ERBIN: variants seen among roughly 807,000 people sequenced by gnomAD.
ERBIN encodes the protein erbb2 interacting protein.
In ERBIN, 60 loss-of-function variants were observed where a neutral mutation model predicts 158.4. The observed-to-expected ratio is 0.38, with a 90% CI of 0.31 to 0.47. The LOEUF is 0.47. Among genes scored for constraint, ERBIN ranks in the 20% least tolerant of loss-of-function variants. ERBIN has a pLI of 0.99. For missense variants in ERBIN, 1,610 were observed against 1,648.0 expected, an observed-to-expected ratio of 0.98 and a Z score of 0.40; for synonymous variants, 594 against 557.2, an observed-to-expected ratio of 1.07 and a Z score of -0.93.
At position 66,062,492 on chromosome 5, in the gene ERBIN, C is replaced by T. The variant is rs540292291; in HGVS notation, c.3633+7541C>T. Among the ~76,000 whole-genome samples the T allele has an allele frequency of 1.4e-4, 22 of 152,120 alleles. No homozygotes were observed. The South Asian group carries it at 3.9e-3, about 27-fold the overall frequency. The stretch of plus-strand genomic sequence containing the variant: ...CTTCTTTGCCATTGGTTTGAACTTC[C>T]TCCTTTAGCTCGGAGTAGTTTGATC... On this transcript the variant is annotated intron_variant, in intron 21 of 25. Coordinates refer to ENST00000284037, the MANE Select transcript of ERBIN (RefSeq NM_001253697.2).
At chr5:66,020,625 T>C (rs1435231229) in intron 7 of ERBIN, among the ~76,000 whole-genome samples, 1 of 151,408 alleles carries the variant, frequency 6.6e-6, no homozygotes, top group African/African-American at 2.4e-5. Context: ...AAGGGTACCT[T>C]TGTAAAAGGA....
At chr5:65,942,656 G>A (rs926772458) in intron 1 of ERBIN, among the ~76,000 whole-genome samples, 1 of 152,220 alleles carries the variant, frequency 6.6e-6, no homozygotes, top group African/African-American at 2.4e-5. Context: ...TGGGTGCAGT[G>A]GCTCATGCCT....
chr5:66,026,890 A>G (rs867501052), intron 13 of ERBIN, among the ~76,000 whole-genome samples: 12 of 151,970 alleles, frequency 7.9e-5, no homozygotes, highest in Admixed American at 2.6e-4. Context: ...GAATATTGCT[A>G]TTTAACAAAA....
At chr5:66,037,016 A>G (rs758741567) in intron 14 of ERBIN, among the ~76,000 whole-genome samples, 53 of 152,194 alleles carry the variant, frequency 3.5e-4, no homozygotes, top group South Asian at 1.5e-3. Context: ...GGTTTTTAGT[A>G]TAGTCACAGA....
At position 66,080,999 on chromosome 5, in the gene ERBIN, A is replaced by G. The variant is rs967291412; in HGVS notation, c.*2469A>G. The G allele has an allele frequency of 6.6e-6, 1 of 152,026 alleles. No homozygotes were observed. The highest frequency in any genetic ancestry group is 2.4e-5 in the African/African-American group (1 of 41,452). 9.4% of individuals were successfully genotyped at this position (152,026 alleles called of 1,614,324 possible). ...GCTGTAATAAAGTTTCAAAATTTGA[A>G]TAAAATAATTAAATTTTTTGAGGAA... On this transcript the variant is annotated 3_prime_UTR_variant, in exon 26 of 26. Transcript: ENST00000284037.
chr5:66,000,051 C>T (rs1752863654), intron 4 of ERBIN, among the ~76,000 whole-genome samples: 2 of 152,152 alleles, frequency 1.3e-5, no homozygotes, highest in Admixed American at 1.3e-4. Flanking sequence ...CTTTAGAAGT[C>T]ATCACATCTA....
In ERBIN at chr5:66,053,425, A is replaced by G; in HGVS notation, c.2107A>G (p.Asn703Asp). ...SKIRQEDENF[N>D]SLLQNGDILN... ...TTTTAGGCAAGAAGATGAAAATTTT[A>G]ACAGCCTTTTACAAAATGGAGATAT... Residue 703 changes from asparagine to aspartate, a missense_variant, in exon 21 of 26, where the codon AAC becomes GAC. Physicochemically the swap from Asn to Asp is conservative, Grantham distance 23. This residue lies in a region of ERBIN where 1,014 missense variants were observed against 936.1 expected (regional missense o/e 1.08). Coordinates refer to ENST00000284037, the MANE Select transcript of ERBIN (RefSeq NM_001253697.2). 1 of 1,467,210 alleles carries G rather than the reference A, an allele frequency of 6.8e-7. No individual in the cohort carries two copies. The highest frequency in any genetic ancestry group is 1.8e-4 in the Middle Eastern group (1 of 5,490). The allele number at this position is 1,467,210 out of a possible 1,614,324, so 90.9% of individuals were successfully genotyped here.
In ERBIN at chr5:66,000,019, T is replaced by C. The variant is rs966141666; in HGVS notation, c.307+5155T>C. On this transcript the variant is annotated intron_variant, in intron 4 of 25. Transcript: ENST00000284037. The stretch of plus-strand genomic sequence containing the variant: ...ACAGATAAATTAATCCAGAGTATTA[T>C]AGAATTCTAGAATTATTGTCACTTT... 2.0e-5 allele frequency among the ~76,000 whole-genome samples: 3 copies of C among 152,206 alleles called. No homozygotes were observed. The East Asian group carries it at 5.8e-4, about 29-fold the overall frequency.
At chr5:66,067,084 A>T (rs942033184) in intron 21 of ERBIN, among the ~76,000 whole-genome samples, 3 of 152,152 alleles carry the variant, frequency 2.0e-5, no homozygotes, top group African/African-American at 7.2e-5. Context: ...GTATGTATGA[A>T]TGATTTCTTT....
intron 1 of ERBIN, among the ~76,000 whole-genome samples, chr5:65,948,568 T>C (rs1019521356): frequency 5.3e-5 from 8 of 152,064 alleles, no homozygotes; most frequent in Admixed American, 5.2e-4. Context: ...TAGGCTAATG[T>C]AGTTTACAAT....
chr5:66,048,802 G>A (rs952580668), intron 19 of ERBIN, 21 bp downstream of exon 19: 1 of 1,388,010 alleles, frequency 7.2e-7, no homozygotes, highest in African/African-American at 1.5e-5. Context: ...AAAGGAAAGT[G>A]CTAAGAATAG....
intron 1 of ERBIN, among the ~76,000 whole-genome samples, chr5:65,981,065 A>T (rs958940342): frequency 6.6e-6 from 1 of 152,234 alleles, no homozygotes; most frequent in African/African-American, 2.4e-5. Context: ...ACATATTTCA[A>T]AGGCTTGAAA....
intron 5 of ERBIN, among the ~76,000 whole-genome samples, chr5:66,013,339 A>G (rs1754402438): frequency 6.6e-6 from 1 of 152,002 alleles, no homozygotes. Context: ...ATATTACCTC[A>G]TTTTCTGTTT....
rs1169698412 is a variant in ERBIN at position 65,956,581 on chromosome 5, A to G, written c.-58+29775A>G. On this transcript the variant is annotated intron_variant, in intron 1 of 25. Coordinates refer to ENST00000284037, the MANE Select transcript of ERBIN (RefSeq NM_001253697.2). ...TTTTTGGTACAGATGGTGTTTTGCC[A>G]TGTTGCCTAGCTGGTTTCGAACTCC... 3.4e-5 allele frequency among the ~76,000 whole-genome samples: 5 copies of G among 147,676 alleles called. No individual in the cohort carries two copies. In the Admixed American group the frequency reaches 3.4e-4, roughly 10 times the overall value.
At chr5:65,931,600 AT>A (rs1161255629) in intron 1 of ERBIN, among the ~76,000 whole-genome samples, 2 of 152,218 alleles carry the variant, frequency 1.3e-5, no homozygotes, top group African/African-American at 4.8e-5. Context: ...TTTAATAAAA[AT>A]ATAATTGTTT....
intron 18 of ERBIN, 57 bp downstream of exon 18, chr5:66,046,595 T>C: frequency 7.3e-7 from 1 of 1,361,908 alleles, no homozygotes; most frequent in Non-Finnish European, 9.9e-7. Context: ...TAATATTTTA[T>C]TGTTGCTAAA....
In ERBIN at chr5:66,044,469, A is replaced by G. The variant is rs575707785; in HGVS notation, c.1602+159A>G. Among the ~76,000 whole-genome samples the G allele has an allele frequency of 3.3e-5, 5 of 152,314 alleles. No homozygotes were observed. The East Asian group carries it at 7.7e-4, about 23-fold the overall frequency. ...CTCACATACATATGATGGTGGTCCT[A>G]TAAGAGTATAAGGGGCTGGGCGTGG... On this transcript the variant is annotated intron_variant, in intron 17 of 25. Transcript: ENST00000284037.
chr5:65,987,369 C>CACACACACACACAG (rs1287632286), intron 1 of ERBIN, among the ~76,000 whole-genome samples: 2 of 149,538 alleles, frequency 1.3e-5, no homozygotes, highest in Non-Finnish European at 3.0e-5. Flanking sequence ...AGACTGTCTA[C>CACACACACACACAG]ACACACACAC....
intron 18 of ERBIN, among the ~76,000 whole-genome samples, chr5:66,047,751 A>G (rs191303823): frequency 1.1e-3 from 174 of 152,130 alleles, no homozygotes; most frequent in African/African-American, 4.0e-3. Context: ...GATGGTTAAT[A>G]TCACTCAATA....
Sources: allele counts gnomAD v4.1 joint callset (sites outside exome capture counted in the v4.1 genomes callset), GRCh38; gene constraint gnomAD v4.1.1; regional missense constraint gnomAD v4.1.1; transcripts MANE v1.5; gene names NCBI Gene and HGNC (gene_info 2026-07-23, HGNC 2026-07-21).